SLIT2: variants seen among roughly 807,000 people sequenced by gnomAD.
The protein encoded by SLIT2 is slit homolog 2 protein.
In SLIT2, 41 loss-of-function variants were observed where a neutral mutation model predicts 185.7. The observed-to-expected ratio is 0.22, with a 90% CI of 0.17 to 0.29. SLIT2 has a LOEUF of 0.29. Ranked by LOEUF, SLIT2 falls within the 10% of genes least tolerant of loss-of-function variation. The pLI is 1.00. For synonymous variants in SLIT2, 693 were observed against 680.2 expected (o/e 1.02, Z -0.29); for missense variants, 1,571 against 1,909.0 (o/e 0.82, Z 3.30).
chr4:20,362,507 A>G (rs1223086675), intron 4 of SLIT2, among the ~76,000 whole-genome samples: 5 of 152,040 alleles, frequency 3.3e-5, no homozygotes, highest in African/African-American at 1.2e-4. Flanking sequence ...TGGGTTACAT[A>G]CATTCAGTTA....
intron 4 of SLIT2, among the ~76,000 whole-genome samples, chr4:20,412,546 CAGAGT>C (rs1166770909): frequency 6.6e-6 from 1 of 151,990 alleles, no homozygotes; most frequent in Non-Finnish European, 1.5e-5. Context: ...TGTAAACTAA[CAGAGT>C]AGATAGGCAA....
intron 4 of SLIT2, among the ~76,000 whole-genome samples, chr4:20,424,187 T>A (rs1728374519): frequency 1.3e-5 from 2 of 152,128 alleles, no homozygotes; most frequent in Admixed American, 1.3e-4. Context: ...TTGATCAAGT[T>A]AGTACAAACT....
intron 3 of SLIT2, among the ~76,000 whole-genome samples, chr4:20,268,427 A>C (rs763543193): frequency 6.6e-6 from 1 of 151,634 alleles, no homozygotes; most frequent in Non-Finnish European, 1.5e-5. Context: ...TTTTAGGCCA[A>C]TTGGGACTGT....
At chr4:20,384,109 A>T (rs1199574386) in intron 4 of SLIT2, among the ~76,000 whole-genome samples, 2 of 152,082 alleles carry the variant, frequency 1.3e-5, no homozygotes, top group Non-Finnish European at 2.9e-5. Flanking sequence ...TTTAACAAAA[A>T]ATAATAGTCA....
At chr4:20,377,560 T>C (rs2109333743) in intron 4 of SLIT2, among the ~76,000 whole-genome samples, 1 of 152,244 alleles carries the variant, frequency 6.6e-6, no homozygotes, top group East Asian at 1.9e-4. Flanking sequence ...TGGATTCTGG[T>C]GTTGATTGCA....
At chr4:20,295,935 C>G (rs1716428917) in intron 4 of SLIT2, among the ~76,000 whole-genome samples, 1 of 152,184 alleles carries the variant, frequency 6.6e-6, no homozygotes, top group Non-Finnish European at 1.5e-5. Context: ...CCACAGTGCT[C>G]TAAAGGAGAT....
chr4:20,552,075 C>T (rs1218894987), intron 25 of SLIT2, among the ~76,000 whole-genome samples: 2 of 152,148 alleles, frequency 1.3e-5, no homozygotes. Context: ...CAAGAACCTA[C>T]CTCTAAGTCA....
rs769606767 is a variant in SLIT2, at chr4:20,510,523, A to G, written c.943A>G (p.Ile315Val). The G allele has an allele frequency of 6.2e-7, 1 of 1,611,812 alleles. No homozygotes were observed. The stretch of plus-strand genomic sequence containing the variant: ...TTTGGAACAGAACACAATCAAAGTC[A>G]TCCCTCCTGGAGCTTTCTCACCATA... ...IRLEQNTIKV[I>V]PPGAFSPYKK... Residue 315 changes from isoleucine (I) to valine (V), a missense_variant, in exon 10 of 37, where the codon ATC (isoleucine) becomes GTC (valine). This residue lies in a region of SLIT2 where 1,202 missense variants were observed against 1,416.4 expected (regional missense o/e 0.85). Transcript: ENST00000504154.
intron 4 of SLIT2, among the ~76,000 whole-genome samples, chr4:20,317,375 A>T (rs1488588087): frequency 6.6e-6 from 1 of 152,072 alleles, no homozygotes; most frequent in Admixed American, 6.6e-5. Context: ...TCAATCTTTA[A>T]GTAATAAGAA....
intron 4 of SLIT2, among the ~76,000 whole-genome samples, chr4:20,350,793 A>G (rs1721807875): frequency 6.6e-6 from 1 of 152,160 alleles, no homozygotes; most frequent in Non-Finnish European, 1.5e-5. Context: ...CGAGTTTGAG[A>G]CCAGCTTGGG....
chr4:20,533,726 G>A lies in SLIT2; in HGVS notation c.1832+11G>A. 1.9e-6 allele frequency: 3 copies of A among 1,605,050 alleles called. No individual in the cohort carries two copies. Among genetic ancestry groups the A allele is most frequent in the Non-Finnish European group, 2.6e-6 (3 of 1,175,558 alleles). ...AAGCCTCAAAACTTTGTAAGTATTT[G>A]TACTTGCATTGCAGTTCTTCTACCA... On this transcript the variant is annotated intron_variant, in intron 18 of 36. Transcript: ENST00000504154.
chr4:20,452,842 C>G (rs773438498), intron 4 of SLIT2, among the ~76,000 whole-genome samples: 18 of 152,182 alleles, frequency 1.2e-4, no homozygotes, highest in Non-Finnish European at 2.4e-4. Context: ...GGCCTTTCTG[C>G]TGACAGAGCA....
Position 20,595,713 on chromosome 4 carries a change from G to C in SLIT2, c.3199G>C (p.Gly1067Arg). Residue 1067 changes from glycine to arginine, a missense_variant, in exon 31 of 37, where the codon GGG becomes CGG. Gly to Arg is a moderately radical substitution (Grantham distance 125, BLOSUM62 -2). This residue lies in a region of SLIT2 where 1,202 missense variants were observed against 1,416.4 expected (regional missense o/e 0.85). Coordinates refer to ENST00000504154, the MANE Select transcript of SLIT2 (RefSeq NM_004787.4). Reference protein sequence around the residue: ...PKGFKCDCTPGYVGEHCDIDF... With the variant: ...PKGFKCDCTPRYVGEHCDIDF... ...TTCCAACAGATGTGACTGCACACCA[G>C]GGTACGTAGGTGAACACTGCGACAT... 1 of 1,614,056 alleles carries C rather than the reference G, an allele frequency of 6.2e-7. No homozygotes were observed. The highest frequency in any genetic ancestry group is 8.5e-7 in the Non-Finnish European group (1 of 1,179,948).
intron 4 of SLIT2, among the ~76,000 whole-genome samples, chr4:20,450,868 C>T (rs1577681339): frequency 6.6e-6 from 1 of 152,194 alleles, no homozygotes; most frequent in Admixed American, 6.5e-5. Flanking sequence ...TCTAGTCGGT[C>T]CCAGCATCTG....
In SLIT2 at chr4:20,523,850, G is replaced by A. The variant is rs1721046879; in HGVS notation, c.1221G>A (p.Lys407=). Residue 407 remains lysine, a synonymous_variant, in exon 13 of 37, where the codon AAG becomes AAA. Transcript: ENST00000504154. ...NLNLLSLYDN[K]LQTIAKGTFS... The stretch of plus-strand genomic sequence containing the variant: ...ACCTTCTCTCCCTATATGACAACAA[G>A]CTTCAGACCATCGCCAAGGGGACCT... 3.1e-6 allele frequency: 5 copies of A among 1,613,950 alleles called. No homozygotes were observed. In the African/African-American group the frequency reaches 4.0e-5, roughly 13 times the overall value.
At chr4:20,353,585 C>T (rs1577486301) in intron 4 of SLIT2, among the ~76,000 whole-genome samples, 1 of 152,058 alleles carries the variant, frequency 6.6e-6, no homozygotes, top group South Asian at 2.1e-4. Flanking sequence ...ATTTATTACA[C>T]CGTATTCAAA....
chr4:20,485,602 T>C (rs1577758404), intron 6 of SLIT2, among the ~76,000 whole-genome samples: 1 of 152,172 alleles, frequency 6.6e-6, no homozygotes, highest in Non-Finnish European at 1.5e-5. Context: ...ATTAATCTTT[T>C]AACACGGTGC....
At chr4:20,451,052 A>G (rs1560433812) in intron 4 of SLIT2, among the ~76,000 whole-genome samples, 1 of 152,176 alleles carries the variant, frequency 6.6e-6, no homozygotes, top group Non-Finnish European at 1.5e-5. Flanking sequence ...GTCTACAGCC[A>G]CATTGTTTTT....
intron 4 of SLIT2, among the ~76,000 whole-genome samples, chr4:20,339,690 G>A (rs1720802475): frequency 6.6e-6 from 1 of 152,076 alleles, no homozygotes; most frequent in Non-Finnish European, 1.5e-5. Flanking sequence ...ACATTAACAA[G>A]ATCTAAGTTT....
Sources: allele counts gnomAD v4.1 joint callset (sites outside exome capture counted in the v4.1 genomes callset), GRCh38; gene constraint gnomAD v4.1.1; regional missense constraint gnomAD v4.1.1; transcripts MANE v1.5; gene names NCBI Gene and HGNC (gene_info 2026-07-23, HGNC 2026-07-21).